Variants in MINDY4 observed in about 807,000 individuals in gnomAD.
MINDY4 encodes MINDY lysine 48 deubiquitinase 4.
A neutral mutation model predicts 87.0 loss-of-function variants in MINDY4; 68 were observed. The observed-to-expected ratio is 0.78, with a 90% CI of 0.64 to 0.96. MINDY4 has a LOEUF of 0.96. MINDY4 is among the 40% of genes least tolerant of loss of function. MINDY4 has a pLI of 0.00. For missense variants in MINDY4, 919 were observed against 928.2 expected (o/e 0.99, Z 0.13); for synonymous variants, 379 against 363.2 (o/e 1.04, Z -0.50).
intron 17 of MINDY4, among the ~76,000 whole-genome samples, chr7:30,887,272 C>A (rs1004619130): frequency 1.3e-4 from 20 of 152,138 alleles, no homozygotes; most frequent in African/African-American, 4.6e-4. Context: ...TGCCAGCCCT[C>A]TTCTGATGCC....
intron 5 of MINDY4, among the ~76,000 whole-genome samples, chr7:30,806,194 T>C (rs1252786135): frequency 6.6e-6 from 1 of 152,216 alleles, no homozygotes; most frequent in African/African-American, 2.4e-5. Flanking sequence ...TGCATTGTAT[T>C]GTATTCTGAG....
At chr7:30,868,640 T>C (rs1158314739) in intron 13 of MINDY4, among the ~76,000 whole-genome samples, 1 of 152,234 alleles carries the variant, frequency 6.6e-6, no homozygotes, top group African/African-American at 2.4e-5. Flanking sequence ...TCTGCAAAAT[T>C]CTGAGCCTTG....
At chr7:30,866,427 A>T (rs748647761) in intron 13 of MINDY4, among the ~76,000 whole-genome samples, 1 of 152,096 alleles carries the variant, frequency 6.6e-6, no homozygotes, top group Non-Finnish European at 1.5e-5. Flanking sequence ...CCTTTCTCAC[A>T]TGCAGTGTCA....
chr7:30,801,472 C>T (rs1445604575), intron 5 of MINDY4, among the ~76,000 whole-genome samples: 1 of 152,080 alleles, frequency 6.6e-6, no homozygotes, highest in Non-Finnish European at 1.5e-5. Flanking sequence ...TACAGCTGTC[C>T]TCCACACCTG....
chr7:30,800,946 T>A (rs1787630572), intron 5 of MINDY4, among the ~76,000 whole-genome samples: 1 of 152,202 alleles, frequency 6.6e-6, no homozygotes, highest in Non-Finnish European at 1.5e-5. Context: ...CTCGTTGCCC[T>A]TGTTGCATAA....
intron 3 of MINDY4, among the ~76,000 whole-genome samples, chr7:30,783,587 A>G (rs1787067339): frequency 6.6e-6 from 1 of 152,186 alleles, no homozygotes; most frequent in East Asian, 1.9e-4. Context: ...TCTGGCATAA[A>G]TGAATTAATA....
chr7:30,869,257 T>C (rs1363666056), intron 13 of MINDY4, among the ~76,000 whole-genome samples: 1 of 152,208 alleles, frequency 6.6e-6, no homozygotes, highest in Non-Finnish European at 1.5e-5. Flanking sequence ...AGGTGGCCCC[T>C]GCTCCTAGGA....
chr7:30,773,368 G>A (rs1786703599), intron 1 of MINDY4, among the ~76,000 whole-genome samples: 1 of 152,074 alleles, frequency 6.6e-6, no homozygotes, highest in African/African-American at 2.4e-5. Context: ...ACTTGCCCAG[G>A]GTGAGCAGGT....
intron 17 of MINDY4, among the ~76,000 whole-genome samples, chr7:30,888,044 G>T (rs955245008): frequency 6.6e-6 from 1 of 152,172 alleles, no homozygotes; most frequent in African/African-American, 2.4e-5. Flanking sequence ...TTGAACTCAG[G>T]CCTGCTGTCT....
At chr7:30,776,152 A>G (rs544590533) in intron 1 of MINDY4, among the ~76,000 whole-genome samples, 2 of 152,352 alleles carry the variant, frequency 1.3e-5, no homozygotes, top group South Asian at 2.1e-4. Context: ...TTTTCAACCT[A>G]GCAGCCAAGT....
In MINDY4 at chr7:30,875,669, T is replaced by C; in HGVS notation, c.1971+13T>C. On this transcript the variant is annotated intron_variant, in intron 15 of 17. Coordinates refer to ENST00000265299, the MANE Select transcript of MINDY4 (RefSeq NM_032222.3). ...CAACATGTGCCAGGTACCCAGATGC[T>C]CACGTTCACCACAAGTAGGGGAGCC... 6.3e-7 allele frequency: 1 copy of C among 1,595,010 alleles called. No homozygotes were observed. Among genetic ancestry groups the C allele is most frequent in the Non-Finnish European group, 8.6e-7 (1 of 1,168,998 alleles).
chr7:30,853,815 C>T (rs562390084), intron 12 of MINDY4, among the ~76,000 whole-genome samples: 11 of 152,358 alleles, frequency 7.2e-5, no homozygotes, highest in African/African-American at 2.4e-4. Context: ...GCAGCCGCCA[C>T]TGGAATACAG....
At chr7:30,836,342 A>T (rs1788855352) in intron 6 of MINDY4, among the ~76,000 whole-genome samples, 1 of 152,232 alleles carries the variant, frequency 6.6e-6, no homozygotes. Flanking sequence ...CTTAGGACCC[A>T]GGCACTTGTT....
chr7:30,781,558 A>C (rs1439722031), intron 2 of MINDY4: 1 of 165,790 alleles, frequency 6.0e-6, no homozygotes, highest in African/African-American at 2.4e-5. Context: ...ACAAGCTAAA[A>C]AAATATTCAG....
Position 30,791,484 on chromosome 7 carries a change from A to G in MINDY4, c.983A>G (p.Lys328Arg), listed in dbSNP as rs1476967334. The G allele has an allele frequency of 6.2e-7, 1 of 1,613,908 alleles. No homozygotes were observed. Among genetic ancestry groups the G allele is most frequent in the African/African-American group, 1.3e-5 (1 of 74,930 alleles). ...GSTDTDRMPLKLYLPGGNSRM... is the reference protein window; with the variant it reads ...GSTDTDRMPLRLYLPGGNSRM... ...ACAGACACGGACAGGATGCCCTTGA[A>G]GCTCTACTTGCCTGGTGGTAATTCC... Residue 328 changes from lysine to arginine, a missense_variant, in exon 5 of 18, where the codon AAG becomes AGG. Physicochemically the swap from Lys to Arg is conservative, Grantham distance 26. Transcript: ENST00000265299.
At chr7:30,856,119 G>C (rs371013872) in intron 12 of MINDY4, among the ~76,000 whole-genome samples, 1 of 152,110 alleles carries the variant, frequency 6.6e-6, no homozygotes, top group Admixed American at 6.5e-5. Flanking sequence ...CCTCCCATTG[G>C]AGTTCCTTGG....
chr7:30,791,137 T>C, intron 4 of MINDY4, 28 bp from the exon 5 acceptor site: 1 of 1,569,528 alleles, frequency 6.4e-7, no homozygotes, highest in Non-Finnish European at 8.7e-7. Context: ...CAAAGGGTCC[T>C]CACTGCTTTT....
intron 5 of MINDY4, among the ~76,000 whole-genome samples, chr7:30,807,120 G>A (rs1281804738): frequency 2.0e-5 from 3 of 152,202 alleles, no homozygotes; most frequent in African/African-American, 4.8e-5. Context: ...GATGGAAACC[G>A]AGACCAAGTA....
At chr7:30,831,299 A>G (rs1051486497) in intron 6 of MINDY4, among the ~76,000 whole-genome samples, 3 of 151,946 alleles carry the variant, frequency 2.0e-5, no homozygotes, top group Non-Finnish European at 4.4e-5. Context: ...TTCAGCACTT[A>G]CTAGGTTATG....
Sources: gnomAD v4.1 joint callset for allele counts (sites outside exome capture counted in the v4.1 genomes callset) on GRCh38, gnomAD v4.1.1 for gene constraint, MANE v1.5 for transcripts, NCBI Gene and HGNC (gene_info 2026-07-23, HGNC 2026-07-21) for gene names.